The following COX15 variants were observed in gnomAD, a reference collection of about 807,000 sequenced individuals.
COX15 encodes cytochrome c oxidase assembly factor COX15.
Under a neutral mutation model 51.9 loss-of-function variants are expected in COX15, and 51 were observed. That is an observed-to-expected ratio of 0.98 (90% CI 0.78 to 1.24). The LOEUF (loss-of-function observed/expected upper bound fraction) is 1.24, where lower values mean the gene tolerates loss of function less well. COX15 is among the 50% of genes most tolerant of loss of function. The probability of loss-of-function intolerance (pLI) is 0.00; values close to 1 mark genes in which losing one functional copy is unlikely to be tolerated. For synonymous variants in COX15, 188 were observed against 190.5 expected (o/e 0.99, Z 0.11); for missense variants, 420 against 501.1 (o/e 0.84, Z 1.55).
chr10:99,714,663 G>A lies in COX15; in HGVS notation c.1157C>T (p.Thr386Ile), dbSNP rs1353408207. The A allele has an allele frequency of 9.9e-6, 16 of 1,614,088 alleles. No individual in the cohort carries two copies. The highest frequency in any genetic ancestry group is 1.4e-5 in the Non-Finnish European group (16 of 1,180,018). The change falls in exon 9 of 9, where the codon ACT becomes ATT. Residue 386 changes from threonine (T) to isoleucine (I), a missense_variant. Transcript: ENST00000016171. Reference protein sequence around the residue: ...LMYVPTPLAATHQSGSLALLT... With the variant: ...LMYVPTPLAAIHQSGSLALLT... ...CAAAGCCAAGGAGCCTGACTGGTGA[G>A]TGGCGGCCAGAGGAGTTGGGACATA...
intron 2 of COX15, 148 bp from the exon 3 acceptor site, chr10:99,727,711 T>C: frequency 2.0e-6 from 2 of 1,011,194 alleles, no homozygotes; most frequent in Non-Finnish European, 3.0e-6. Flanking sequence ...TCTCTGTTAC[T>C]GCTTGGAATT....
intron 7 of COX15, among the ~76,000 whole-genome samples, chr10:99,717,622 A>C (rs776746712): frequency 1.3e-5 from 2 of 152,166 alleles, no homozygotes; most frequent in African/African-American, 2.4e-5. Flanking sequence ...ACTCCTGCTC[A>C]AACAATCCTC....
chr10:99,712,856 G>T lies in COX15; in HGVS notation c.*1731C>A. The T allele has an allele frequency of 2.6e-6, 1 of 381,706 alleles. No individual in the cohort carries two copies. The highest frequency in any genetic ancestry group is 3.6e-6 in the Non-Finnish European group (1 of 276,390). The allele number at this position is 381,706 out of a possible 1,614,324, so 23.6% of individuals were successfully genotyped here. On this transcript the variant is annotated 3_prime_UTR_variant, in exon 9 of 9. Coordinates refer to ENST00000016171, the MANE Select transcript of COX15 (RefSeq NM_078470.6). ...ACTTTCATCCATTGCTGCCAGCTCTGCAGCATAATGGAAGCTCATTCCCTC... is the reference window on the plus strand; with the variant it reads ...ACTTTCATCCATTGCTGCCAGCTCTTCAGCATAATGGAAGCTCATTCCCTC...
chr10:99,707,550 GATAATTATGGTGTC>G (rs2036276471), downstream of COX15, among the ~76,000 whole-genome samples: 1 of 152,156 alleles, frequency 6.6e-6, no homozygotes, highest in Non-Finnish European at 1.5e-5. Flanking sequence ...CTCCCATGAA[GATAATTATGGTGTC>G]ATAAAATTCA....
In COX15 at chr10:99,727,092, C is replaced by T. The variant is rs1462019991; in HGVS notation, c.458G>A (p.Arg153Gln). 10 of 1,614,028 alleles carry T rather than the reference C, an allele frequency of 6.2e-6. No individual in the cohort carries two copies. The highest frequency in any genetic ancestry group is 8.5e-6 in the Non-Finnish European group (10 of 1,180,028). The change falls in exon 4 of 9, where the codon CGA becomes CAA. Residue 153 changes from arginine (R) to glutamine (Q), a missense_variant. Coordinates refer to ENST00000016171, the MANE Select transcript of COX15 (RefSeq NM_078470.6). ...KFIWYMEYSH[R>Q]MWGRLVGLVY... ...AAGGCCTACAAGGCGACCCCACATT[C>T]GGTGTGAGTACTCCATGTACCAGAT...
chr10:99,712,119 C>T lies in COX15; in HGVS notation c.*2468G>A. On this transcript the variant is annotated 3_prime_UTR_variant, in exon 9 of 9. Transcript: ENST00000016171. ...CAAAGTCATACATAAGGGATCCGCC[C>T]CCATGACCCAAATACCTCCTACTAG... The T allele has an allele frequency of 1.7e-6, 1 of 582,642 alleles. No homozygotes were observed. Among genetic ancestry groups the T allele is most frequent in the Non-Finnish European group, 2.2e-6 (1 of 461,990 alleles). 36.1% of individuals were successfully genotyped at this position (582,642 alleles called of 1,614,324 possible).
At chr10:99,699,004 T>C in the COX15 span, 3 of 719,092 alleles carry the variant, frequency 4.2e-6, no homozygotes, top group Admixed American at 3.1e-5. Context: ...ATTTTACAGA[T>C]GAGGAAGTGG....
At chr10:99,705,721 A>G in the COX15 span, 11 of 152,254 alleles carry the variant, frequency 7.2e-5, no homozygotes, top group Non-Finnish European at 1.2e-4. Context: ...AAGTTTCTCA[A>G]TTTATGACTC....
chr10:99,716,108 C>T (rs2133574897), intron 8 of COX15, among the ~76,000 whole-genome samples: 1 of 151,588 alleles, frequency 6.6e-6, no homozygotes, highest in East Asian at 2.0e-4. Context: ...CCTCCCATCT[C>T]AGCCTCCCAA....
intron 8 of COX15, among the ~76,000 whole-genome samples, chr10:99,715,510 A>G (rs2036540762): frequency 2.3e-5 from 1 of 43,818 alleles, no homozygotes; most frequent in Non-Finnish European, 6.1e-5. Flanking sequence ...TTTCTCATAC[A>G]AAAGGTCTTT....
chr10:99,729,326 G>A (rs1349373579), intron 2 of COX15, among the ~76,000 whole-genome samples: 1 of 151,976 alleles, frequency 6.6e-6, no homozygotes, highest in Non-Finnish European at 1.5e-5. Context: ...GCCAGATATG[G>A]TGGCACGCGC....
chr10:99,714,135 AC>A lies in COX15; in HGVS notation c.*451del, dbSNP rs2036490500. 9.9e-7 allele frequency: 1 copy of A among 1,014,508 alleles called. No individual in the cohort carries two copies. Among genetic ancestry groups the A allele is most frequent in the Non-Finnish European group, 1.2e-6 (1 of 847,184 alleles). 62.8% of individuals were successfully genotyped at this position (1,014,508 alleles called of 1,614,324 possible). A position where few individuals can be genotyped will look rare whatever the true frequency, so the allele number is the denominator to read the frequency against. On this transcript the variant is annotated 3_prime_UTR_variant, in exon 9 of 9. Transcript: ENST00000016171. Reference sequence around the variant, plus strand: ...ATTAGCTTTTTTTTTTTTGCTGAAGACCAGCTGGCTACTTTGGGTATGTCAA... The same window carrying A: ...ATTAGCTTTTTTTTTTTTGCTGAAGACAGCTGGCTACTTTGGGTATGTCAA...
downstream of COX15, chr10:99,710,777 A>G: frequency 1.0e-6 from 1 of 984,752 alleles, no homozygotes. Flanking sequence ...TGCAACCAAC[A>G]TTGCTTTAGG....
the COX15 span, among the ~76,000 whole-genome samples, chr10:99,694,368 A>G: frequency 8.5e-5 from 13 of 152,138 alleles, no homozygotes; most frequent in African/African-American, 3.1e-4. Context: ...TGGGTATTTC[A>G]TTCCTTTTTA....
the COX15 span, chr10:99,700,902 C>T: frequency 8.0e-7 from 1 of 1,245,328 alleles, no homozygotes; most frequent in East Asian, 2.3e-5. Flanking sequence ...AATGGAACAG[C>T]TGTGACTGTG....
chr10:99,714,730 G>T lies in COX15; in HGVS notation c.1102-12C>A. 1 of 1,612,598 alleles carries T rather than the reference G, an allele frequency of 6.2e-7. No individual in the cohort carries two copies. The highest frequency in any genetic ancestry group is 8.5e-7 in the Non-Finnish European group (1 of 1,179,986). ...ATGCCCAAGCCCACCTGTCACAAAG[G>T]AAAGAAGGCAATAGGAAAGGCAGTA... On this transcript the variant is annotated splice_polypyrimidine_tract_variant and intron_variant, in intron 8 of 8. Transcript: ENST00000016171.
chr10:99,711,109 A>C lies in COX15; in HGVS notation c.*3478T>G. ...TGGGAATAACATAAATACAAAAAAAACCCTAAGATAATCATTCACCAGAAG... is the reference window on the plus strand; with the variant it reads ...TGGGAATAACATAAATACAAAAAAACCCCTAAGATAATCATTCACCAGAAG... On this transcript the variant is annotated 3_prime_UTR_variant, in exon 9 of 9. Transcript: ENST00000016171. The C allele has an allele frequency of 2.0e-6, 2 of 984,508 alleles. No individual in the cohort carries two copies. The highest frequency in any genetic ancestry group is 2.4e-6 in the Non-Finnish European group (2 of 829,558). 61.0% of individuals were successfully genotyped at this position (984,508 alleles called of 1,614,324 possible). A position where few individuals can be genotyped will look rare whatever the true frequency, so the allele number is the denominator to read the frequency against.
At chr10:99,725,595 T>C (rs972289607) in intron 4 of COX15, among the ~76,000 whole-genome samples, 21 of 152,340 alleles carry the variant, frequency 1.4e-4, no homozygotes, top group African/African-American at 5.1e-4. Context: ...TCTTGCTCTG[T>C]TGCCCAGGCT....
At chr10:99,700,447 T>C in the COX15 span, among the ~76,000 whole-genome samples, 9 of 150,590 alleles carry the variant, frequency 6.0e-5, no homozygotes, top group Admixed American at 4.0e-4. Flanking sequence ...TGTGTGTGTT[T>C]ATTGTCTGTC....
Sources: gnomAD v4.1 joint callset for allele counts (sites outside exome capture counted in the v4.1 genomes callset) on GRCh38, gnomAD v4.1.1 for gene constraint, MANE v1.5 for transcripts, NCBI Gene and HGNC (gene_info 2026-07-23, HGNC 2026-07-21) for gene names.